The following C8orf89 variants were observed in gnomAD, a reference collection of about 807,000 sequenced individuals.
The protein encoded by C8orf89 is putative uncharacterized protein C8orf89.
C8orf89 carries 14 observed loss-of-function variants against 15.8 expected under a neutral mutation model. The ratio of observed to expected loss-of-function variants is 0.89; its 90% CI spans 0.59 to 1.39. The LOEUF (loss-of-function observed/expected upper bound fraction) is 1.39. Among genes scored for constraint, C8orf89 ranks in the 40% most tolerant of loss-of-function variants. The pLI, the probability that C8orf89 is intolerant of heterozygous loss-of-function variation, is 0.00. For missense variants in C8orf89, 181 were observed against 184.5 expected, an observed-to-expected ratio of 0.98 and a Z score of 0.11; for synonymous variants, 55 against 62.2, an observed-to-expected ratio of 0.88 and a Z score of 0.54.
the C8orf89 span, among the ~76,000 whole-genome samples, chr8:73,276,070 T>C: frequency 6.6e-6 from 1 of 152,146 alleles, no homozygotes. Context: ...CCTTGTTTTA[T>C]GAAGCTTCCT....
At chr8:73,251,032 C>T (rs1563531257) in intron 2 of C8orf89, among the ~76,000 whole-genome samples, 1 of 152,012 alleles carries the variant, frequency 6.6e-6, no homozygotes, top group Non-Finnish European at 1.5e-5. Context: ...AAAATGCTGG[C>T]CTCAAGCAAT....
At chr8:73,282,896 A>T in the C8orf89 span, among the ~76,000 whole-genome samples, 2 of 152,208 alleles carry the variant, frequency 1.3e-5, no homozygotes. Flanking sequence ...CCATGAATTA[A>T]ATTCAAAGAG....
upstream of C8orf89, among the ~76,000 whole-genome samples, chr8:73,264,264 C>T (rs559596387): frequency 1.3e-5 from 2 of 152,316 alleles, no homozygotes; most frequent in African/African-American, 2.4e-5. Context: ...TTGACTTGTT[C>T]GACCTCAGCT....
upstream of C8orf89, among the ~76,000 whole-genome samples, chr8:73,261,078 C>G (rs139591874): frequency 9.8e-4 from 149 of 152,312 alleles, no homozygotes; most frequent in Non-Finnish European, 1.6e-3. Flanking sequence ...GCTCTCGGTA[C>G]TGTCAGTTTC....
At chr8:73,273,129 G>A in the C8orf89 span, among the ~76,000 whole-genome samples, 3 of 152,194 alleles carry the variant, frequency 2.0e-5, no homozygotes, top group Non-Finnish European at 1.5e-5. Context: ...TTGCAGTGGG[G>A]GAGGTGCAGC....
the C8orf89 span, among the ~76,000 whole-genome samples, chr8:73,285,718 G>C: frequency 2.6e-5 from 4 of 152,176 alleles, no homozygotes; most frequent in Admixed American, 2.0e-4. Flanking sequence ...CGGGCACAGC[G>C]GGCAGTGTGG....
chr8:73,263,497 G>A (rs1813565612), upstream of C8orf89, among the ~76,000 whole-genome samples: 1 of 152,186 alleles, frequency 6.6e-6, no homozygotes, highest in Non-Finnish European at 1.5e-5. Flanking sequence ...CTGGGTGACA[G>A]AGAGAGACTT....
At chr8:73,268,018 G>A in the C8orf89 span, among the ~76,000 whole-genome samples, 234 of 152,268 alleles carry the variant, frequency 1.5e-3, 1 homozygote, top group African/African-American at 5.5e-3. Flanking sequence ...TAGAGGAATA[G>A]AAGACAAAAC....
At chr8:73,271,762 A>G in the C8orf89 span, among the ~76,000 whole-genome samples, 4 of 152,296 alleles carry the variant, frequency 2.6e-5, no homozygotes, top group East Asian at 7.7e-4. Context: ...AAAGAGGATT[A>G]TTGGGCTTAC....
chr8:73,264,059 G>A (rs759227660), upstream of C8orf89, among the ~76,000 whole-genome samples: 2 of 152,028 alleles, frequency 1.3e-5, no homozygotes, highest in African/African-American at 2.4e-5. Flanking sequence ...TCTCACACCC[G>A]TATTTTTTCC....
chr8:73,261,439 G>C (rs1563534696), upstream of C8orf89, among the ~76,000 whole-genome samples: 2 of 151,884 alleles, frequency 1.3e-5, no homozygotes, highest in African/African-American at 2.4e-5. Context: ...AAGAGAAAGA[G>C]GGAAAAGGAG....
chr8:73,279,110 T>A, the C8orf89 span, among the ~76,000 whole-genome samples: 3 of 152,184 alleles, frequency 2.0e-5, no homozygotes, highest in African/African-American at 7.2e-5. Context: ...ATATGAAAAA[T>A]TTAAATTTTT....
intron 2 of C8orf89, 52 bp from the exon 3 acceptor site, chr8:73,250,375 A>G (rs1452922814): frequency 8.6e-6 from 9 of 1,045,562 alleles, no homozygotes; most frequent in South Asian, 3.0e-5. Context: ...TCAGGGCACA[A>G]TGAAACTCAC....
At chr8:73,246,465 G>A (rs1184361992) in intron 3 of C8orf89, among the ~76,000 whole-genome samples, 5 of 152,244 alleles carry the variant, frequency 3.3e-5, no homozygotes, top group Non-Finnish European at 7.4e-5. Flanking sequence ...TGCAACCTCC[G>A]CCTCCCAGGT....
upstream of C8orf89, among the ~76,000 whole-genome samples, chr8:73,263,517 A>AAAT (rs1276761222): frequency 6.6e-6 from 1 of 152,194 alleles, no homozygotes; most frequent in African/African-American, 2.4e-5. Context: ...TCATCTCAAA[A>AAAT]AATAATAATA....
intron 3 of C8orf89, among the ~76,000 whole-genome samples, chr8:73,249,921 C>G (rs1459617815): frequency 2.6e-5 from 4 of 152,052 alleles, no homozygotes; most frequent in African/African-American, 9.7e-5. Context: ...ACGAGGGAGT[C>G]ATTCTGTTTG....
intron 2 of C8orf89, among the ~76,000 whole-genome samples, chr8:73,254,233 A>C (rs1379960766): frequency 6.6e-6 from 1 of 152,022 alleles, no homozygotes; most frequent in African/African-American, 2.4e-5. Context: ...GCTGGATTAC[A>C]TTTATTGATT....
chr8:73,273,517 C>T, the C8orf89 span, among the ~76,000 whole-genome samples: 1 of 152,192 alleles, frequency 6.6e-6, no homozygotes, highest in Non-Finnish European at 1.5e-5. Context: ...AGGAGGGAGG[C>T]CGAGGTGGGG....
Position 73,259,253 on chromosome 8 carries a change from T to C in C8orf89, c.127+79A>G, listed in dbSNP as rs947408572. ...CATAAATGTCACAGAAAATGTCCCT[T>C]GCCTGATGAAAAAAATACATGGAAA... On this transcript the variant is annotated intron_variant, in intron 1 of 3. Coordinates refer to ENST00000624510, the MANE Select transcript of C8orf89 (RefSeq NM_001243237.3). The C allele has an allele frequency of 2.3e-5, 22 of 938,384 alleles. No homozygotes were observed. In the African/African-American group the frequency reaches 2.9e-4, roughly 12 times the overall value. The allele number at this position is 938,384 out of a possible 1,614,324, so 58.1% of individuals were successfully genotyped here.
Sources: gnomAD v4.1 joint callset for allele counts (sites outside exome capture counted in the v4.1 genomes callset) on GRCh38, gnomAD v4.1.1 for gene constraint, MANE v1.5 for transcripts, NCBI Gene and HGNC (gene_info 2026-07-23, HGNC 2026-07-21) for gene names.